Variants in MUC7 observed in about 807,000 individuals in gnomAD.
MUC7 encodes the protein mucin-7.
In MUC7, 2 loss-of-function variants were observed where a neutral mutation model predicts 2.5. The observed-to-expected ratio is 0.81, with a 90% CI of 0.33 to 2.55. The LOEUF (loss-of-function observed/expected upper bound fraction) is 2.55. Among genes scored for constraint, MUC7 ranks in the 30% most tolerant of loss-of-function variants. The probability of loss-of-function intolerance (pLI) is 0.11; values close to 1 mark genes in which losing one functional copy is unlikely to be tolerated. For missense variants in MUC7, 408 were observed against 455.6 expected, an observed-to-expected ratio of 0.90 and a Z score of 0.95; for synonymous variants, 133 against 173.4, an observed-to-expected ratio of 0.77 and a Z score of 1.83.
At chr4:70,458,791 T>C (rs1233842047) in intron 1 of MUC7, among the ~76,000 whole-genome samples, 2 of 152,106 alleles carry the variant, frequency 1.3e-5, no homozygotes, top group African/African-American at 4.8e-5. Context: ...AACTGCATGC[T>C]ATTTGCTAGA....
chr4:70,454,366 T>A (rs1734364543), intron 1 of MUC7, among the ~76,000 whole-genome samples: 1 of 152,204 alleles, frequency 6.6e-6, no homozygotes, highest in Non-Finnish European at 1.5e-5. Flanking sequence ...CTGGTCTCAT[T>A]TTCCTTCTGT....
chr4:70,454,740 C>A (rs780554634), intron 1 of MUC7, among the ~76,000 whole-genome samples: 4 of 152,120 alleles, frequency 2.6e-5, no homozygotes, highest in Non-Finnish European at 5.9e-5. Context: ...CATCTTGGTC[C>A]ACCCCTCCAT....
chr4:70,439,821 A>G (rs1733957880), intron 1 of MUC7, among the ~76,000 whole-genome samples: 1 of 152,094 alleles, frequency 6.6e-6, no homozygotes, highest in Non-Finnish European at 1.5e-5. Context: ...TAGAATTTAA[A>G]AATTATTATG....
At chr4:70,472,560 G>T (rs908538613) in intron 1 of MUC7, among the ~76,000 whole-genome samples, 4 of 152,132 alleles carry the variant, frequency 2.6e-5, no homozygotes, top group Admixed American at 1.3e-4. Context: ...TTTCAATTGG[G>T]TCAGATTGTT....
At chr4:70,463,984 A>G (rs1734619672) in intron 1 of MUC7, among the ~76,000 whole-genome samples, 1 of 152,034 alleles carries the variant, frequency 6.6e-6, no homozygotes, top group Non-Finnish European at 1.5e-5. Context: ...GAACAGCTCC[A>G]GTCTGCAGCT....
intron 1 of MUC7, among the ~76,000 whole-genome samples, chr4:70,433,228 A>G (rs2069835033): frequency 6.6e-6 from 1 of 152,112 alleles, no homozygotes; most frequent in African/African-American, 2.4e-5. Context: ...TTTTGGTTCC[A>G]TATGAAATTT....
At chr4:70,477,821 G>A (rs1735050000) in intron 2 of MUC7, among the ~76,000 whole-genome samples, 1 of 152,130 alleles carries the variant, frequency 6.6e-6, no homozygotes, top group Non-Finnish European at 1.5e-5. Context: ...CTAACATAAA[G>A]TGTTACATGA....
intron 1 of MUC7, among the ~76,000 whole-genome samples, chr4:70,434,023 A>G (rs542411261): frequency 3.4e-4 from 52 of 152,144 alleles, no homozygotes; most frequent in African/African-American, 1.2e-3. Flanking sequence ...ATGATGGATT[A>G]CGTTTATTGA....
chr4:70,435,310 G>A (rs1486221491), intron 1 of MUC7, among the ~76,000 whole-genome samples: 1 of 152,128 alleles, frequency 6.6e-6, no homozygotes, highest in African/African-American at 2.4e-5. Flanking sequence ...GGGTATTAAA[G>A]TCTCCATTAT....
intron 1 of MUC7, among the ~76,000 whole-genome samples, chr4:70,440,274 T>A (rs1733969137): frequency 6.6e-6 from 1 of 152,184 alleles, no homozygotes; most frequent in African/African-American, 2.4e-5. Flanking sequence ...AAACATTAAT[T>A]TTTTTGTTTT....
chr4:70,430,851 C>G (rs1733639855), intron 1 of MUC7, among the ~76,000 whole-genome samples: 1 of 152,006 alleles, frequency 6.6e-6, no homozygotes, highest in Admixed American at 6.6e-5. Context: ...TTTTATTTTT[C>G]TAATCTTCAA....
In MUC7 at chr4:70,480,954, T is replaced by C; in HGVS notation, c.210T>C (p.Cys70=). ...CCTATAAATGTCTGCACAAACGCTG[T>C]AGGCCTAAGCTTCCACCTTCACCTA... is the stretch of plus-strand genomic sequence containing the variant. The part of the protein sequence containing the change: ...RKSYKCLHKR[C]RPKLPPSPNN... The change falls in exon 3 of 3, where the codon TGT becomes TGC. Residue 70 remains cysteine, a synonymous_variant. Transcript: ENST00000304887. The C allele has an allele frequency of 1.2e-6, 2 of 1,614,094 alleles. No individual in the cohort carries two copies. The highest frequency in any genetic ancestry group is 1.1e-5 in the South Asian group (1 of 91,070).
intron 2 of MUC7, among the ~76,000 whole-genome samples, chr4:70,475,869 T>TTGGATATTCTCATATTTCTCA (rs1435761626): frequency 3.3e-5 from 5 of 152,210 alleles, no homozygotes; most frequent in African/African-American, 1.2e-4. Context: ...GAATTTACTC[T>TTGGATATTCTCATATTTCTCA]TGGATATTCT....
upstream of MUC7, among the ~76,000 whole-genome samples, chr4:70,470,110 A>G (rs1037112315): frequency 1.3e-5 from 2 of 152,246 alleles, no homozygotes; most frequent in African/African-American, 4.8e-5. Context: ...CTTTGCAGGG[A>G]CATGGATGAA....
chr4:70,437,859 G>A (rs1317574961), intron 1 of MUC7, among the ~76,000 whole-genome samples: 3 of 151,258 alleles, frequency 2.0e-5, no homozygotes, highest in Non-Finnish European at 4.4e-5. Flanking sequence ...CCTTGGAAGT[G>A]ACTCCAGGGA....
chr4:70,477,850 T>C (rs1012800879), intron 2 of MUC7, among the ~76,000 whole-genome samples: 1 of 152,188 alleles, frequency 6.6e-6, no homozygotes, highest in African/African-American at 2.4e-5. Context: ...TTAATAAAAA[T>C]AAATAATGAA....
In MUC7 at chr4:70,472,306, T is replaced by G. The variant is rs1372319237; in HGVS notation, c.-16+15T>G. On this transcript the variant is annotated intron_variant, in intron 1 of 2. Coordinates refer to ENST00000304887, the MANE Select transcript of MUC7 (RefSeq NM_152291.3). ...CACTGCACCAGGTATGTGGATACTT[T>G]AGATAGGTTCTAATATAAACTAAAC... 1 of 152,208 alleles carries G rather than the reference T, an allele frequency of 6.6e-6. No individual in the cohort carries two copies. Among genetic ancestry groups the G allele is most frequent in the Non-Finnish European group, 1.5e-5 (1 of 68,032 alleles). 9.4% of individuals were successfully genotyped at this position (152,208 alleles called of 1,614,324 possible). A position where few individuals can be genotyped will look rare whatever the true frequency, so the allele number is the denominator to read the frequency against.
At chr4:70,432,038 G>A (rs1005233433) in intron 1 of MUC7, among the ~76,000 whole-genome samples, 4 of 152,134 alleles carry the variant, frequency 2.6e-5, no homozygotes, top group Non-Finnish European at 4.4e-5. Flanking sequence ...GAGAATGATG[G>A]TTTCCAGCTT....
At chr4:70,466,395 A>G (rs1002878912) in intron 1 of MUC7, among the ~76,000 whole-genome samples, 25 of 152,230 alleles carry the variant, frequency 1.6e-4, no homozygotes, top group African/African-American at 6.0e-4. Flanking sequence ...ACAGGATCAA[A>G]TTCATGCATA....
Sources: gnomAD v4.1 joint callset for allele counts (sites outside exome capture counted in the v4.1 genomes callset) on GRCh38, gnomAD v4.1.1 for gene constraint, MANE v1.5 for transcripts, NCBI Gene and HGNC (gene_info 2026-07-23, HGNC 2026-07-21) for gene names.